DLGAP1: variants seen among roughly 807,000 people sequenced by gnomAD.
The protein encoded by DLGAP1 is disks large-associated protein 1.
DLGAP1 carries 11 observed loss-of-function variants against 90.8 expected under a neutral mutation model. The ratio of observed to expected loss-of-function variants is 0.12; its 90% CI spans 0.08 to 0.20. The LOEUF (loss-of-function observed/expected upper bound fraction) is 0.20, where lower values mean the gene tolerates loss of function less well. Among genes scored for constraint, DLGAP1 ranks in the 10% least tolerant of loss-of-function variants. The pLI is 1.00. For synonymous variants in DLGAP1, 558 were observed against 540.7 expected (o/e 1.03, Z -0.44); for missense variants, 1,050 against 1,333.8 (o/e 0.79, Z 3.31).
At chr18:3,815,426 C>T (rs981910959) in intron 4 of DLGAP1, among the ~76,000 whole-genome samples, 1 of 152,088 alleles carries the variant, frequency 6.6e-6, no homozygotes, top group Admixed American at 6.6e-5. Context: ...CACACACATA[C>T]ACACAAATAA....
At chr18:3,524,179 G>T (rs1467446805) in intron 10 of DLGAP1, among the ~76,000 whole-genome samples, 1 of 152,004 alleles carries the variant, frequency 6.6e-6, no homozygotes, top group African/African-American at 2.4e-5. Flanking sequence ...GGAGACTGAG[G>T]TGGGAGAACT....
At chr18:3,957,676 TACTA>T (rs1334586361) in intron 3 of DLGAP1, among the ~76,000 whole-genome samples, 1 of 152,198 alleles carries the variant, frequency 6.6e-6, no homozygotes, top group Non-Finnish European at 1.5e-5. Flanking sequence ...ATTATTTACT[TACTA>T]AATAATTTAA....
intron 3 of DLGAP1, among the ~76,000 whole-genome samples, chr18:3,945,303 A>T (rs1020616154): frequency 1.3e-5 from 2 of 152,252 alleles, no homozygotes; most frequent in African/African-American, 4.8e-5. Context: ...CTTTAGGAAG[A>T]AAACAGGAAT....
At chr18:4,093,355 T>C (rs1475907168) in intron 2 of DLGAP1, among the ~76,000 whole-genome samples, 2 of 152,218 alleles carry the variant, frequency 1.3e-5, no homozygotes, top group Admixed American at 1.3e-4. Context: ...AATTTCTTAA[T>C]GTTCTTTATC....
intron 1 of DLGAP1, among the ~76,000 whole-genome samples, chr18:4,336,632 T>C (rs1311142809): frequency 1.3e-5 from 2 of 152,160 alleles, no homozygotes; most frequent in African/African-American, 4.8e-5. Flanking sequence ...TCTTATCTCA[T>C]GTAAGGGGCT....
At chr18:4,440,116 T>A in intron 1 of DLGAP1, among the ~76,000 whole-genome samples, 1 of 66,982 alleles carries the variant, frequency 1.5e-5, no homozygotes, top group Admixed American at 2.5e-4. Flanking sequence ...TGAGACTCCG[T>A]CACCAAAAAA....
chr18:3,766,734 G>A (rs1396538955), intron 5 of DLGAP1, among the ~76,000 whole-genome samples: 1 of 152,100 alleles, frequency 6.6e-6, no homozygotes, highest in African/African-American at 2.4e-5. Context: ...ATAGATAAAA[G>A]AGGAAATCTT....
At chr18:3,956,441 C>T (rs537201994) in intron 3 of DLGAP1, among the ~76,000 whole-genome samples, 7 of 152,048 alleles carry the variant, frequency 4.6e-5, no homozygotes, top group South Asian at 2.1e-4. Context: ...CTCCGCCTCC[C>T]GGGTTCACGC....
At position 3,861,287 on chromosome 18, in the gene DLGAP1, T is replaced by G. The variant is rs568471638; in HGVS notation, c.957+17825A>C. On this transcript the variant is annotated intron_variant, in intron 4 of 12. Coordinates refer to ENST00000315677, the MANE Select transcript of DLGAP1 (RefSeq NM_004746.4). The stretch of plus-strand genomic sequence containing the variant: ...CACAATAATAATTCTTTAAAAACTT[T>G]ATATTCCTCAAATTATTCTACAGGC... Among the ~76,000 whole-genome samples, 4 of 152,336 alleles carry G rather than the reference T, an allele frequency of 2.6e-5. No homozygotes were observed. The South Asian group carries it at 8.3e-4, about 32-fold the overall frequency.
chr18:3,828,924 C>T (rs2067882648), intron 4 of DLGAP1, among the ~76,000 whole-genome samples: 1 of 152,140 alleles, frequency 6.6e-6, no homozygotes, highest in Admixed American at 6.5e-5. Context: ...TTTAAAGAAT[C>T]TTTAAAATAA....
At chr18:4,116,228 T>C (rs1158773151) in intron 2 of DLGAP1, among the ~76,000 whole-genome samples, 1 of 151,178 alleles carries the variant, frequency 6.6e-6, no homozygotes, top group Non-Finnish European at 1.5e-5. Flanking sequence ...AAGAAGACAA[T>C]TGTTAATCTT....
At chr18:3,742,199 C>T (rs2063083288) in intron 6 of DLGAP1, 136 bp downstream of exon 6, 1 of 1,134,302 alleles carries the variant, frequency 8.8e-7, no homozygotes, top group Non-Finnish European at 1.2e-6. Flanking sequence ...CTTTGCAGCA[C>T]TTGACTGGAC....
intron 1 of DLGAP1, among the ~76,000 whole-genome samples, chr18:4,161,144 T>A (rs1312638734): frequency 6.6e-6 from 1 of 151,994 alleles, no homozygotes; most frequent in Admixed American, 6.6e-5. Context: ...TAGATAAACA[T>A]GTGCCATGGT....
chr18:3,809,457 C>T (rs2066723374), intron 5 of DLGAP1, among the ~76,000 whole-genome samples: 2 of 152,262 alleles, frequency 1.3e-5, no homozygotes, highest in South Asian at 4.2e-4. Flanking sequence ...GATTAACCAT[C>T]CTGAAAATGA....
At chr18:3,928,222 A>C (rs1214849077) in intron 3 of DLGAP1, among the ~76,000 whole-genome samples, 4 of 152,214 alleles carry the variant, frequency 2.6e-5, no homozygotes, top group Admixed American at 1.3e-4. Context: ...GACTACAACA[A>C]CACACTTGTA....
At chr18:4,401,653 G>A (rs2082557122) in intron 1 of DLGAP1, among the ~76,000 whole-genome samples, 2 of 151,980 alleles carry the variant, frequency 1.3e-5, no homozygotes, top group Admixed American at 1.3e-4. Context: ...AATGTACCTG[G>A]AAAATGTAGG....
At chr18:3,585,788 G>C (rs529137339) in intron 7 of DLGAP1, among the ~76,000 whole-genome samples, 121 of 152,148 alleles carry the variant, frequency 8.0e-4, no homozygotes, top group African/African-American at 2.9e-3. Context: ...TACACAATTA[G>C]AAAACAAAAC....
chr18:3,732,787 T>G (rs2062489280), intron 6 of DLGAP1, among the ~76,000 whole-genome samples: 2 of 152,158 alleles, frequency 1.3e-5, no homozygotes, highest in African/African-American at 4.8e-5. Context: ...TGCCCAGTCC[T>G]GGAATCAGTA....
At chr18:4,343,773 A>G (rs1264570432) in intron 1 of DLGAP1, among the ~76,000 whole-genome samples, 1 of 152,186 alleles carries the variant, frequency 6.6e-6, no homozygotes, top group East Asian at 1.9e-4. Context: ...CGTTCTGCAC[A>G]TGTATCCCAG....
Sources: gnomAD v4.1 joint callset for allele counts (sites outside exome capture counted in the v4.1 genomes callset) on GRCh38, gnomAD v4.1.1 for gene constraint, MANE v1.5 for transcripts, NCBI Gene and HGNC (gene_info 2026-07-23, HGNC 2026-07-21) for gene names.